Variants in CSGALNACT1 observed in about 807,000 individuals in gnomAD.
CSGALNACT1 encodes chondroitin sulfate N-acetylgalactosaminyltransferase 1.
In CSGALNACT1, 52 loss-of-function variants were observed where a neutral mutation model predicts 51.0. The ratio of observed to expected loss-of-function variants is 1.02; its 90% CI spans 0.82 to 1.29. The LOEUF is 1.29. Among genes scored for constraint, CSGALNACT1 ranks in the 50% most tolerant of loss-of-function variants. CSGALNACT1 has a pLI of 0.00. For synonymous variants in CSGALNACT1, 341 were observed against 254.4 expected (o/e 1.34, Z -3.24); for missense variants, 935 against 679.2 (o/e 1.38, Z -4.19).
At chr8:19,468,579 C>G (rs1485325140) in intron 4 of CSGALNACT1, among the ~76,000 whole-genome samples, 3 of 151,994 alleles carry the variant, frequency 2.0e-5, no homozygotes, top group African/African-American at 7.2e-5. Context: ...AGGAAAGAAC[C>G]ACGATGGTTT....
chr8:19,532,380 T>A (rs1320594187), intron 3 of CSGALNACT1, among the ~76,000 whole-genome samples: 1 of 152,102 alleles, frequency 6.6e-6, no homozygotes, highest in African/African-American at 2.4e-5. Flanking sequence ...TGAGGACATA[T>A]GAGCCCGGTA....
chr8:19,528,290 A>AG (rs367921572), intron 3 of CSGALNACT1, among the ~76,000 whole-genome samples: 2 of 151,848 alleles, frequency 1.3e-5, no homozygotes, highest in Non-Finnish European at 1.5e-5. Flanking sequence ...AAAAAAAAAA[A>AG]GCAAGCAGCC....
intron 3 of CSGALNACT1, among the ~76,000 whole-genome samples, chr8:19,580,681 A>T (rs1421923409): frequency 6.6e-6 from 1 of 152,244 alleles, no homozygotes; most frequent in Non-Finnish European, 1.5e-5. Context: ...TCAAATGACC[A>T]AAACCAAGAT....
At chr8:19,683,494 G>A (rs962403911), upstream of CSGALNACT1, among the ~76,000 whole-genome samples, 1 of 152,134 alleles carries the variant, frequency 6.6e-6, no homozygotes, top group Non-Finnish European at 1.5e-5. Context: ...ACACACCAAT[G>A]GCAGCCAGTT....
Position 19,703,722 on chromosome 8 carries a change from A to T in CSGALNACT1, c.-297+54128T>A, listed in dbSNP as rs192597664. Among the ~76,000 whole-genome samples the T allele has an allele frequency of 8.3e-4, 126 of 152,326 alleles. 1 individual carries two copies. Among genetic ancestry groups the T allele is most frequent in the Non-Finnish European group, 1.2e-3 (80 of 68,030 alleles). The stretch of plus-strand genomic sequence containing the variant: ...TTTAATCAATACAAGAAATCCTCTC[A>T]TGGTCTGCATGTCTCCCTGATTGAT... On this transcript the variant is annotated intron_variant, in intron 1 of 1. Transcript: ENST00000517494.
intron 1 of CSGALNACT1, among the ~76,000 whole-genome samples, chr8:19,694,989 G>A (rs1477692449): frequency 6.6e-6 from 1 of 152,138 alleles, no homozygotes; most frequent in African/African-American, 2.4e-5. Context: ...GACAGATGCT[G>A]AGGGGTCATG....
At chr8:19,564,399 AT>A (rs34403400) in intron 3 of CSGALNACT1, among the ~76,000 whole-genome samples, 4,293 of 143,184 alleles carry the variant, frequency 0.03, 133 homozygotes, top group African/African-American at 0.08. Context: ...AGGTTCAGGT[AT>A]TTTTTTTTTT....
chr8:19,543,858 C>A (rs556061490), intron 3 of CSGALNACT1, among the ~76,000 whole-genome samples: 37 of 152,204 alleles, frequency 2.4e-4, no homozygotes, highest in African/African-American at 8.4e-4. Flanking sequence ...CCTTGGGGAC[C>A]CCTGAAACAA....
At chr8:19,407,273 G>A (rs182879958) in intron 9 of CSGALNACT1, among the ~76,000 whole-genome samples, 2 of 151,994 alleles carry the variant, frequency 1.3e-5, no homozygotes, top group East Asian at 1.9e-4. Flanking sequence ...CAAAACAATC[G>A]TGGGTCTACC....
chr8:19,690,676 G>A (rs537139514), intron 1 of CSGALNACT1, among the ~76,000 whole-genome samples: 1 of 152,314 alleles, frequency 6.6e-6, no homozygotes, highest in Admixed American at 6.5e-5. Context: ...TTTGCAGTTT[G>A]CAGATGGAGC....
chr8:19,505,628 G>A lies in CSGALNACT1; in HGVS notation c.207C>T (p.Arg69=), dbSNP rs566489838. 3 of 1,614,138 alleles carry A rather than the reference G, an allele frequency of 1.9e-6. No individual in the cohort carries two copies. In the African/African-American group the frequency reaches 4.0e-5, roughly 22 times the overall value. ...GCCGCTTCAGGCTGCTCACGTAGTT[G>A]CGGTGCTGCTCCTCCCACTCCTGAA... The change falls in exon 4 of 10, where the codon CGC becomes CGT. Residue 69 remains arginine, a synonymous_variant. Coordinates refer to ENST00000454498, the Ensembl canonical transcript of CSGALNACT1.
chr8:19,597,286 T>C (rs1006032500), intron 2 of CSGALNACT1, among the ~76,000 whole-genome samples: 1 of 4,706 alleles, frequency 2.1e-4, no homozygotes, highest in Non-Finnish European at 4.0e-4. Context: ...ATCTTCTTTC[T>C]TTTTTTTTTT....
intron 2 of CSGALNACT1, among the ~76,000 whole-genome samples, chr8:19,595,466 C>T (rs1349454399): frequency 6.6e-6 from 1 of 152,112 alleles, no homozygotes; most frequent in Non-Finnish European, 1.5e-5. Flanking sequence ...TAAGGGTAAA[C>T]ACTAATATTT....
Position 19,420,318 on chromosome 8 carries a change from G to A in CSGALNACT1, c.1132+22C>T, listed in dbSNP as rs756269757. 1.5e-4 allele frequency: 249 copies of A among 1,613,334 alleles called. No individual in the cohort carries two copies. The Middle Eastern group carries it at 5.8e-3, about 38-fold the overall frequency. On this transcript the variant is annotated intron_variant, in intron 7 of 9. Coordinates refer to ENST00000454498, the Ensembl canonical transcript of CSGALNACT1. Reference sequence around the variant, plus strand: ...CGAGAGGGCTGGGGGCCACCTGAGCGTGACAGAGAGATGATCCATACCTGG... The same window carrying A: ...CGAGAGGGCTGGGGGCCACCTGAGCATGACAGAGAGATGATCCATACCTGG...
chr8:19,597,199 T>C (rs576615817), intron 2 of CSGALNACT1, among the ~76,000 whole-genome samples: 1 of 151,926 alleles, frequency 6.6e-6, no homozygotes, highest in African/African-American at 2.4e-5. Context: ...CTGAAAAATA[T>C]TCCATTGTAT....
At chr8:19,424,699 G>C (rs2058504137) in intron 6 of CSGALNACT1, among the ~76,000 whole-genome samples, 1 of 152,124 alleles carries the variant, frequency 6.6e-6, no homozygotes, top group South Asian at 2.1e-4. Context: ...AGTGCTCATT[G>C]GGCAGGGACT....
chr8:19,684,093 G>A (rs1262004787), upstream of CSGALNACT1, among the ~76,000 whole-genome samples: 4 of 152,162 alleles, frequency 2.6e-5, no homozygotes, highest in Non-Finnish European at 2.9e-5. Flanking sequence ...ATGAGCCTGG[G>A]AGGCGGAGAT....
chr8:19,586,804 C>G (rs1588715098), intron 3 of CSGALNACT1, among the ~76,000 whole-genome samples: 1 of 152,162 alleles, frequency 6.6e-6, no homozygotes, highest in South Asian at 2.1e-4. Context: ...TTAAACAAAA[C>G]AAGTCTTTAC....
intron 1 of CSGALNACT1, among the ~76,000 whole-genome samples, chr8:19,680,337 C>G (rs1212047927): frequency 6.6e-6 from 1 of 152,186 alleles, no homozygotes; most frequent in East Asian, 1.9e-4. Context: ...AGGTGGATCA[C>G]CTGAGGTCAG....
Sources: allele counts gnomAD v4.1 joint callset (sites outside exome capture counted in the v4.1 genomes callset), GRCh38; gene constraint gnomAD v4.1.1; transcripts MANE v1.5; gene names NCBI Gene and HGNC (gene_info 2026-07-23, HGNC 2026-07-21).